Variants in ACTN4 observed in about 807,000 individuals in gnomAD.
ACTN4 encodes actinin alpha 4, also known as alpha-actinin-4.
In ACTN4, 18 loss-of-function variants were observed where a neutral mutation model predicts 114.2. That is an observed-to-expected ratio of 0.16 (90% CI 0.11 to 0.23). The LOEUF (loss-of-function observed/expected upper bound fraction) is 0.23. Among genes scored for constraint, ACTN4 ranks in the 10% least tolerant of loss-of-function variants. The probability of loss-of-function intolerance (pLI) is 1.00; values close to 1 mark genes in which losing one functional copy is unlikely to be tolerated. For synonymous variants in ACTN4, 515 were observed against 506.3 expected (o/e 1.02, Z -0.23); for missense variants, 722 against 1,262.9 (o/e 0.57, Z 6.49).
At chr19:38,676,447 G>A (rs1484865850) in intron 1 of ACTN4, among the ~76,000 whole-genome samples, 3 of 152,206 alleles carry the variant, frequency 2.0e-5, no homozygotes, top group African/African-American at 4.8e-5. Flanking sequence ...CAGTAGAGAC[G>A]AGTGTGTTGT....
intron 1 of ACTN4, among the ~76,000 whole-genome samples, chr19:38,659,897 T>C (rs1319790954): frequency 6.6e-6 from 1 of 150,720 alleles, no homozygotes; most frequent in Non-Finnish European, 1.5e-5. Context: ...ATGCAAAACT[T>C]CCTCCATCTT....
intron 1 of ACTN4, among the ~76,000 whole-genome samples, chr19:38,658,059 GA>G (rs1180990465): frequency 1.3e-5 from 2 of 152,064 alleles, no homozygotes; most frequent in Non-Finnish European, 2.9e-5. Context: ...GCCCCGGGCA[GA>G]AAAAAAGATC....
Position 38,718,016 on chromosome 19 carries a change from C to G in ACTN4, c.1233C>G (p.Leu411=). ...LLNEIRRLER[L]DHLAEKFRQK... ...ATGAGATCCGCAGGCTGGAGCGGCT[C>G]GACCACCTGGCAGAGAAGTTCCGGC... is the stretch of plus-strand genomic sequence containing the variant. Residue 411 remains leucine (L), a synonymous_variant, in exon 11 of 21, where the codon CTC becomes CTG. Coordinates refer to ENST00000252699, the MANE Select transcript of ACTN4 (RefSeq NM_004924.6). 1 of 1,607,586 alleles carries G rather than the reference C, an allele frequency of 6.2e-7. No homozygotes were observed. Among genetic ancestry groups the G allele is most frequent in the African/African-American group, 1.3e-5 (1 of 74,960 alleles).
intron 1 of ACTN4, among the ~76,000 whole-genome samples, chr19:38,677,113 C>G (rs374325082): frequency 6.6e-6 from 1 of 152,276 alleles, no homozygotes; most frequent in East Asian, 1.9e-4. Context: ...CTACCTCCTC[C>G]TCATTCTTCA....
intron 1 of ACTN4, among the ~76,000 whole-genome samples, chr19:38,673,444 T>TATATATATATTC (rs1284229165): frequency 9.4e-6 from 1 of 106,454 alleles, no homozygotes; most frequent in Non-Finnish European, 1.9e-5. Flanking sequence ...TTATTTTTTA[T>TATATATATATTC]ATATATATAT....
At chr19:38,671,205 C>A (rs1032396211) in intron 1 of ACTN4, among the ~76,000 whole-genome samples, 1 of 152,194 alleles carries the variant, frequency 6.6e-6, no homozygotes, top group African/African-American at 2.4e-5. Flanking sequence ...GACTCCTCCC[C>A]CTTTCCCATC....
At position 38,731,133 on chromosome 19, in the gene ACTN4, C is replaced by T. The variant is rs777794945; in HGVS notation, c.*1701C>T. ...GAAGATGCAGGTGAGGTGGGCCACA[C>T]AGGACACGAACCGCTCGAAGTCCAC... On this transcript the variant is annotated 3_prime_UTR_variant, in exon 21 of 21. Transcript: ENST00000252699. 5.0e-6 allele frequency: 8 copies of T among 1,612,792 alleles called. No homozygotes were observed. Among genetic ancestry groups the T allele is most frequent in the Non-Finnish European group, 6.8e-6 (8 of 1,179,904 alleles).
chr19:38,701,459 G>A (rs1335138866), intron 3 of ACTN4, among the ~76,000 whole-genome samples: 1 of 152,196 alleles, frequency 6.6e-6, no homozygotes, highest in Non-Finnish European at 1.5e-5. Context: ...AGGCTCAGCA[G>A]ACAGTGACAA....
chr19:38,673,673 TTTATATATTTATATATA>T (rs1967261359), intron 1 of ACTN4, among the ~76,000 whole-genome samples: 5 of 69,396 alleles, frequency 7.2e-5, no homozygotes, highest in Admixed American at 1.9e-4. Context: ...ATTATATATA[TTTATATATTTATATATA>T]TTATATATAT....
Position 38,724,148 on chromosome 19 carries a change from C to G in ACTN4, c.1693-9C>G, listed in dbSNP as rs754113621. On this transcript the variant is annotated splice_polypyrimidine_tract_variant and intron_variant, in intron 14 of 20. Coordinates refer to ENST00000252699, the MANE Select transcript of ACTN4 (RefSeq NM_004924.6). This position sits in a 1 kb window ranked among gnomAD's most constrained non-coding sequence, Gnocchi z 7.0. ...CTGGGCCGCCCCCTCACTCCAGCTC[C>G]TCCCCTAGGGCCTGATCTCAGCCCA... 6.2e-6 allele frequency: 10 copies of G among 1,613,826 alleles called. No homozygotes were observed. The highest frequency in any genetic ancestry group is 1.3e-5 in the African/African-American group (1 of 75,038).
At chr19:38,702,112 C>G (rs1317432174) in intron 3 of ACTN4, among the ~76,000 whole-genome samples, 1 of 152,244 alleles carries the variant, frequency 6.6e-6, no homozygotes, top group Non-Finnish European at 1.5e-5. Flanking sequence ...CCTCCAGGCT[C>G]TGTTCCAGCC....
chr19:38,666,271 A>T (rs1479001579), intron 1 of ACTN4, among the ~76,000 whole-genome samples: 1 of 152,016 alleles, frequency 6.6e-6, no homozygotes, highest in East Asian at 1.9e-4. Flanking sequence ...CAAAAGAATG[A>T]GGAGAATGTC....
chr19:38,708,519 A>G (rs1057010570), intron 6 of ACTN4, among the ~76,000 whole-genome samples: 2 of 152,176 alleles, frequency 1.3e-5, no homozygotes, highest in Non-Finnish European at 2.9e-5. Flanking sequence ...CTCTGCCCAA[A>G]GGGGCAGAGG....
intron 8 of ACTN4, among the ~76,000 whole-genome samples, chr19:38,712,313 G>A (rs755183838): frequency 2.6e-5 from 4 of 152,160 alleles, no homozygotes; most frequent in African/African-American, 7.2e-5. Context: ...ATTACCTACC[G>A]TCAGTCTGGC....
In ACTN4 at chr19:38,700,074, G is replaced by A. The variant is rs112036176; in HGVS notation, c.163-526G>A. ...CCTGAGGAGAGCAGCCACGGGTCAC[G>A]GAAGCCAGGGTCCAGCTGGGGCCTT... On this transcript the variant is annotated intron_variant, in intron 1 of 20. Coordinates refer to ENST00000252699, the MANE Select transcript of ACTN4 (RefSeq NM_004924.6). Among the ~76,000 whole-genome samples the A allele has an allele frequency of 2.5e-3, 375 of 152,260 alleles. 3 individuals are homozygous for A. The highest frequency in any genetic ancestry group is 8.5e-3 in the African/African-American group (352 of 41,560).
intron 1 of ACTN4, among the ~76,000 whole-genome samples, chr19:38,690,130 T>A (rs892430534): frequency 2.0e-5 from 3 of 152,158 alleles, no homozygotes; most frequent in Admixed American, 6.5e-5. Context: ...ACCCCAGGCA[T>A]TTGAGGCGGG....
intron 1 of ACTN4, among the ~76,000 whole-genome samples, chr19:38,692,561 T>G (rs1363236559): frequency 6.6e-6 from 1 of 152,170 alleles, no homozygotes; most frequent in Non-Finnish European, 1.5e-5. Context: ...TAACCCAGAT[T>G]CCAGAAGGCT....
In ACTN4 at chr19:38,730,040, G is replaced by C. The variant is rs1191174323; in HGVS notation, c.*608G>C. On this transcript the variant is annotated 3_prime_UTR_variant, in exon 21 of 21. Coordinates refer to ENST00000252699, the MANE Select transcript of ACTN4 (RefSeq NM_004924.6). ...CCCTGAACCGCACCCCATCCCACCA[G>C]CCCCGGCCTTGCTTTGTCTGGCCTC... 5.8e-6 allele frequency: 1 copy of C among 171,856 alleles called. No individual in the cohort carries two copies. Among genetic ancestry groups the C allele is most frequent in the African/African-American group, 2.6e-5 (1 of 38,646 alleles). The allele number at this position is 171,856 out of a possible 1,614,324, so 10.6% of individuals were successfully genotyped here. A position where few individuals can be genotyped will look rare whatever the true frequency, so the allele number is the denominator to read the frequency against.
intron 8 of ACTN4, 62 bp from the exon 9 acceptor site, chr19:38,714,407 G>C: frequency 1.3e-6 from 2 of 1,501,230 alleles, no homozygotes; most frequent in African/African-American, 1.4e-5. Flanking sequence ...TTCAAGGGAC[G>C]TGCCCGTCAG....
Sources: gnomAD v4.1 joint callset for allele counts (sites outside exome capture counted in the v4.1 genomes callset) on GRCh38, gnomAD v4.1.1 for gene constraint, Gnocchi (gnomAD v3.1) non-coding constraint, MANE v1.5 for transcripts, NCBI Gene and HGNC (gene_info 2026-07-23, HGNC 2026-07-21) for gene names.